The following AOC2 variants were observed in gnomAD, a reference collection of about 807,000 sequenced individuals.
AOC2 encodes amine oxidase copper containing 2.
AOC2 carries 57 observed loss-of-function variants against 53.8 expected under a neutral mutation model. The observed-to-expected ratio is 1.06, with a 90% CI of 0.86 to 1.32. The LOEUF is 1.32. Ranked by LOEUF, AOC2 falls within the 40% of genes most tolerant of loss-of-function variation. The pLI, the probability that AOC2 is intolerant of heterozygous loss-of-function variation, is 0.00. For missense variants in AOC2, 1,008 were observed against 957.2 expected (o/e 1.05, Z -0.70); for synonymous variants, 404 against 399.0 (o/e 1.01, Z -0.15).
chr17:42,847,085 C>T (rs1046510374), intron 1 of AOC2, among the ~76,000 whole-genome samples: 3 of 152,222 alleles, frequency 2.0e-5, no homozygotes, highest in African/African-American at 7.2e-5. Context: ...CTGCGTGTGT[C>T]TCTGTGCATG....
Position 42,845,492 on chromosome 17 carries a change from C to T in AOC2, c.866C>T (p.Pro289Leu). The T allele has an allele frequency of 6.2e-7, 1 of 1,614,176 alleles. No homozygotes were observed. The highest frequency in any genetic ancestry group is 8.5e-7 in the Non-Finnish European group (1 of 1,180,030). Residue 289 changes from proline to leucine, a missense_variant, in exon 1 of 4, where the codon CCA becomes CTA. By Grantham distance (98) the Pro-to-Leu change is moderately conservative. Coordinates refer to ENST00000253799, the MANE Select transcript of AOC2 (RefSeq NM_009590.4). ...GAAGTGGTTAGAGTCCCTCTACCTC[C>T]ACCAAATGGAGCTTCATCCCTGAGG... is the stretch of plus-strand genomic sequence containing the variant. ...RLEVVRVPLP[P>L]PNGASSLRSR...
Position 42,845,932 on chromosome 17 carries a change from A to C in AOC2, c.1306A>C (p.Arg436=). ...GGAAGCCCAGGGACTGCCCCTTCGA[A>C]GGCACCACAATTACCTTCAAAATCA... ...FEEAQGLPLR[R]HHNYLQNHFY... is the part of the protein sequence containing the mutation. Residue 436 remains arginine, a synonymous_variant, in exon 1 of 4, where the codon AGG becomes CGG. Coordinates refer to ENST00000253799, the MANE Select transcript of AOC2 (RefSeq NM_009590.4). 1.2e-6 allele frequency: 2 copies of C among 1,614,172 alleles called. No homozygotes were observed. Among genetic ancestry groups the C allele is most frequent in the South Asian group, 1.1e-5 (1 of 91,084 alleles).
chr17:42,849,809 G>C, intron 3 of AOC2, 79 bp downstream of exon 3: 3 of 1,592,632 alleles, frequency 1.9e-6, no homozygotes, highest in Non-Finnish European at 2.6e-6. Flanking sequence ...CCAAAGGTTA[G>C]AGGGAATGGC....
intron 2 of AOC2, 79 bp downstream of exon 2, chr17:42,849,450 C>T: frequency 6.3e-7 from 1 of 1,575,452 alleles, no homozygotes; most frequent in Non-Finnish European, 8.7e-7. Flanking sequence ...ACTCCCTTCC[C>T]ACGGCTACCA....
chr17:42,849,513 T>G, intron 2 of AOC2, 88 bp from the exon 3 acceptor site: 2 of 1,602,830 alleles, frequency 1.2e-6, no homozygotes, highest in Non-Finnish European at 1.7e-6. Context: ...TGGGAAATGG[T>G]CTCACACAGA....
At chr17:42,847,010 A>G (rs954436779) in intron 1 of AOC2, among the ~76,000 whole-genome samples, 1 of 152,262 alleles carries the variant, frequency 6.6e-6, no homozygotes, top group Non-Finnish European at 1.5e-5. Context: ...ATAATGCAAC[A>G]TAAACTAGTA....
In AOC2 at chr17:42,844,904, TCTC is replaced by T. The variant is rs2055578375; in HGVS notation, c.279_281del (p.Phe93_Ser94delinsLeu). The T allele has an allele frequency of 6.2e-7, 1 of 1,612,984 alleles. No individual in the cohort carries two copies. Among genetic ancestry groups the T allele is most frequent in the Non-Finnish European group, 8.5e-7 (1 of 1,179,396 alleles). On this transcript the variant is annotated inframe_deletion, in exon 1 of 4. Coordinates refer to ENST00000253799, the MANE Select transcript of AOC2 (RefSeq NM_009590.4). ...GCTCAGCCCTCGGACAACTGCATCT[TCTC>T]AGTGGAGCTGCAGCTGCCCCCCAAG...
intron 1 of AOC2, among the ~76,000 whole-genome samples, chr17:42,848,546 C>CATATATATATATATATATATATACGT (rs200422278): frequency 2.5e-5 from 3 of 117,674 alleles, no homozygotes; most frequent in African/African-American, 1.2e-4. Context: ...TATATATATA[C>CATATATATATATATATATATATACGT]ATATATATAT....
chr17:42,849,243 C>T lies in AOC2; in HGVS notation c.1746C>T (p.Tyr582=), dbSNP rs551637666. The T allele has an allele frequency of 2.5e-6, 4 of 1,614,190 alleles. No individual in the cohort carries two copies. The highest frequency in any genetic ancestry group is 1.3e-5 in the African/African-American group (1 of 75,058). The change falls in exon 2 of 4, where the codon TAC becomes TAT. Residue 582 remains tyrosine, a synonymous_variant. Transcript: ENST00000253799. ...CCTTGGGAAGCCCCCTACCCCGCTA[C>T]CTCTACCTGGCTAGCAACCAGACTA... ...AFSLGSPLPR[Y]LYLASNQTNA...
chr17:42,848,526 T>TATATATATAC lies in AOC2; in HGVS notation c.1589-551_1589-550insCATATATATA, dbSNP rs1227475877. 1.7e-3 allele frequency among the ~76,000 whole-genome samples: 228 copies of TATATATATAC among 135,538 alleles called. 2 individuals carry two copies. Among genetic ancestry groups the TATATATATAC allele is most frequent in the African/African-American group, 6.6e-3 (212 of 32,352 alleles). The allele number at this position is 135,538 out of a possible 152,430, so 88.9% of individuals were successfully genotyped here. On this transcript the variant is annotated intron_variant, in intron 1 of 3. Coordinates refer to ENST00000253799, the MANE Select transcript of AOC2 (RefSeq NM_009590.4). ...TGGCTAGTGTGACAGAGGAACTGAA[T>TATATATATAC]ATATATATATATATATATACATATA... is the stretch of plus-strand genomic sequence containing the variant.
At position 42,845,272 on chromosome 17, in the gene AOC2, G is replaced by A. The variant is rs907862606; in HGVS notation, c.646G>A (p.Asp216Asn). 6.2e-7 allele frequency: 1 copy of A among 1,614,140 alleles called. No homozygotes were observed. Among genetic ancestry groups the A allele is most frequent in the Middle Eastern group, 1.6e-4 (1 of 6,062 alleles). ...CACCCCTCGGGGCTTGCGCTCAGGGGACCGAGCTACCTGGATGGCCCTCTA... is the reference window on the plus strand; with the variant it reads ...CACCCCTCGGGGCTTGCGCTCAGGGAACCGAGCTACCTGGATGGCCCTCTA... ...HATPRGLRSG[D>N]RATWMALYHN... Residue 216 changes from aspartate to asparagine, a missense_variant, in exon 1 of 4, where the codon GAC becomes AAC. Transcript: ENST00000253799.
rs1036823906 is a variant in AOC2, at chr17:42,844,938, A to G, written c.312A>G (p.Ala104=). The change falls in exon 1 of 4, where the codon GCA becomes GCG. Residue 104 remains alanine, a synonymous_variant. Transcript: ENST00000253799. ...AGCTGCAGCTGCCCCCCAAGGCTGC[A>G]GCCCTGGCCCACCTGGACAGGGGGA... ...SVELQLPPKA[A]ALAHLDRGSP... is the part of the protein sequence containing the mutation. The G allele has an allele frequency of 1.2e-6, 2 of 1,612,572 alleles. No individual in the cohort carries two copies. Among genetic ancestry groups the G allele is most frequent in the Middle Eastern group, 1.7e-4 (1 of 6,056 alleles).
Position 42,850,362 on chromosome 17 carries a change from G to A in AOC2, c.*14G>A, listed in dbSNP as rs1292020125. 2.5e-6 allele frequency: 4 copies of A among 1,578,116 alleles called. No homozygotes were observed. Among genetic ancestry groups the A allele is most frequent in the Admixed American group, 3.5e-5 (2 of 57,228 alleles). ...CACGGCTTCTAGTCCTGAGGGTGTGGCGGGCGGCGTGGTTAGGCACATGTA... is the reference window on the plus strand; with the variant it reads ...CACGGCTTCTAGTCCTGAGGGTGTGACGGGCGGCGTGGTTAGGCACATGTA... On this transcript the variant is annotated 3_prime_UTR_variant, in exon 4 of 4. Coordinates refer to ENST00000253799, the MANE Select transcript of AOC2 (RefSeq NM_009590.4).
chr17:42,849,062 A>T (rs200995658), intron 1 of AOC2, 24 bp from the exon 2 acceptor site: 12 of 1,593,138 alleles, frequency 7.5e-6, no homozygotes, highest in Non-Finnish European at 1.0e-5. Context: ...TGTGGAACTC[A>T]TCTCCTTTCC....
At position 42,845,323 on chromosome 17, in the gene AOC2, T is replaced by C; in HGVS notation, c.697T>C (p.Phe233Leu). Residue 233 changes from phenylalanine (F) to leucine (L), a missense_variant, in exon 1 of 4, where the codon TTC becomes CTC. Coordinates refer to ENST00000253799, the MANE Select transcript of AOC2 (RefSeq NM_009590.4). ...LYHNISGVGL[F>L]LHPVGLELLL... ...CCATAACATCTCAGGGGTTGGTCTTTTCCTTCACCCCGTGGGGCTGGAGCT... is the reference window on the plus strand; with the variant it reads ...CCATAACATCTCAGGGGTTGGTCTTCTCCTTCACCCCGTGGGGCTGGAGCT... The C allele has an allele frequency of 6.2e-7, 1 of 1,614,200 alleles. No homozygotes were observed. The highest frequency in any genetic ancestry group is 8.5e-7 in the Non-Finnish European group (1 of 1,180,020).
In AOC2 at chr17:42,846,078, T is replaced by C. The variant is rs777964906; in HGVS notation, c.1452T>C (p.His484=). Residue 484 remains histidine, a synonymous_variant, in exon 1 of 4, where the codon CAT becomes CAC. Coordinates refer to ENST00000253799, the MANE Select transcript of AOC2 (RefSeq NM_009590.4). ...ATGGGGCACTTGAAGGGCGGGTCCATGCCACGGGTTATATCAACACAGCTT... is the reference window on the plus strand; with the variant it reads ...ATGGGGCACTTGAAGGGCGGGTCCACGCCACGGGTTATATCAACACAGCTT... ...YPNGALEGRV[H]ATGYINTAFL... The C allele has an allele frequency of 6.2e-7, 1 of 1,606,552 alleles. No homozygotes were observed. The highest frequency in any genetic ancestry group is 1.1e-5 in the South Asian group (1 of 90,396).
At position 42,844,916 on chromosome 17, in the gene AOC2, T is replaced by C; in HGVS notation, c.290T>C (p.Leu97Pro). 2 of 1,612,824 alleles carry C rather than the reference T, an allele frequency of 1.2e-6. No individual in the cohort carries two copies. Among genetic ancestry groups the C allele is most frequent in the Non-Finnish European group, 1.7e-6 (2 of 1,179,322 alleles). ...GACAACTGCATCTTCTCAGTGGAGC[T>C]GCAGCTGCCCCCCAAGGCTGCAGCC... ...PSDNCIFSVE[L>P]QLPPKAAALA... Residue 97 changes from leucine to proline, a missense_variant, in exon 1 of 4, where the codon CTG (leucine) becomes CCG (proline). By Grantham distance (98) the Leu-to-Pro change is moderately conservative. Transcript: ENST00000253799.
intron 1 of AOC2, among the ~76,000 whole-genome samples, chr17:42,846,894 T>C (rs1434033793): frequency 6.6e-6 from 1 of 152,126 alleles, no homozygotes; most frequent in East Asian, 1.9e-4. Flanking sequence ...ACTTACAGAC[T>C]CACACACTGA....
Position 42,850,123 on chromosome 17 carries a change from C to T in AOC2, c.2046C>T (p.Pro682=), listed in dbSNP as rs145734216. The part of the protein sequence containing the change: ...AWVTASFLHI[P]HAEDIPNTVT... ...TCACAGCCAGCTTCCTGCACATTCCCCATGCCGAGGACATCCCAAACACAG... is the reference window on the plus strand; with the variant it reads ...TCACAGCCAGCTTCCTGCACATTCCTCATGCCGAGGACATCCCAAACACAG... Residue 682 remains proline (P), a synonymous_variant, in exon 4 of 4, where the codon CCC becomes CCT. Coordinates refer to ENST00000253799, the MANE Select transcript of AOC2 (RefSeq NM_009590.4). 4.0e-3 allele frequency: 6,484 copies of T among 1,614,190 alleles called. 25 individuals are homozygous for T. Among genetic ancestry groups the T allele is most frequent in the Non-Finnish European group, 4.9e-3 (5,745 of 1,180,036 alleles).
Sources: gnomAD v4.1 joint callset for allele counts (sites outside exome capture counted in the v4.1 genomes callset) on GRCh38, gnomAD v4.1.1 for gene constraint, MANE v1.5 for transcripts, NCBI Gene and HGNC (gene_info 2026-07-23, HGNC 2026-07-21) for gene names.